The following FAF1 variants were observed in gnomAD, a reference collection of about 807,000 sequenced individuals.
FAF1 encodes Fas associated factor 1.
FAF1 carries 25 observed loss-of-function variants against 92.5 expected under a neutral mutation model. The ratio of observed to expected loss-of-function variants is 0.27; its 90% confidence interval spans 0.20 to 0.38. The LOEUF (loss-of-function observed/expected upper bound fraction) is 0.38. Among genes scored for constraint, FAF1 ranks in the 10% least tolerant of loss-of-function variants. The pLI, the probability that FAF1 is intolerant of heterozygous loss-of-function variation, is 1.00. For missense variants in FAF1, 636 were observed against 793.3 expected (o/e 0.80, Z 2.38); for synonymous variants, 234 against 273.2 (o/e 0.86, Z 1.42).
intron 1 of FAF1, among the ~76,000 whole-genome samples, chr1:50,860,741 T>C (rs1329279197): frequency 1.3e-5 from 2 of 151,632 alleles, no homozygotes; most frequent in African/African-American, 2.4e-5. Flanking sequence ...CCTATGTATA[T>C]ATTAAAAAAA....
chr1:50,770,494 A>G (rs931703129), intron 4 of FAF1, among the ~76,000 whole-genome samples: 2 of 152,160 alleles, frequency 1.3e-5, no homozygotes, highest in African/African-American at 4.8e-5. Context: ...CAAGAACACA[A>G]TCTCATTTAC....
chr1:50,472,823 T>C (rs546404175), intron 18 of FAF1, among the ~76,000 whole-genome samples: 1 of 152,314 alleles, frequency 6.6e-6, no homozygotes, highest in Admixed American at 6.5e-5. Flanking sequence ...TAGATCCTAA[T>C]CCTTGCAGAC....
At chr1:50,920,489 G>A (rs1385419368) in intron 1 of FAF1, among the ~76,000 whole-genome samples, 2 of 151,980 alleles carry the variant, frequency 1.3e-5, no homozygotes, top group Admixed American at 1.3e-4. Context: ...TCTAAATCCA[G>A]GCCAATTTTC....
chr1:50,588,202 A>G (rs541962278), intron 9 of FAF1, among the ~76,000 whole-genome samples: 12 of 152,252 alleles, frequency 7.9e-5, no homozygotes, highest in African/African-American at 2.9e-4. Context: ...CAGGAGAATC[A>G]CTTGAACGTG....
At chr1:50,579,256 G>A (rs114427641) in intron 12 of FAF1, among the ~76,000 whole-genome samples, 1,694 of 152,188 alleles carry the variant, frequency 0.011, 23 homozygotes, top group Non-Finnish European at 0.015. Flanking sequence ...ATTTTTAAGT[G>A]TAAGTTATCT....
At chr1:50,911,547 A>G (rs1221256312) in intron 1 of FAF1, among the ~76,000 whole-genome samples, 1 of 151,534 alleles carries the variant, frequency 6.6e-6, no homozygotes, top group African/African-American at 2.4e-5. Context: ...AAACACAAAA[A>G]TTAACCAAGC....
chr1:50,475,447 T>C lies in FAF1; in HGVS notation c.1869+17A>G, dbSNP rs1330425221. ...TCCCACCTGGATATACTTCCTGAGA[T>C]AGGTATGGGAACTTACGTCTCTCCT... On this transcript the variant is annotated intron_variant, in intron 18 of 18. Coordinates refer to ENST00000396153, the MANE Select transcript of FAF1 (RefSeq NM_007051.3). 1.9e-6 allele frequency: 3 copies of C among 1,579,842 alleles called. No individual in the cohort carries two copies. The African/African-American group carries it at 4.0e-5, about 21-fold the overall frequency.
chr1:50,959,745 G>A lies in FAF1; in HGVS notation c.45+22C>T, dbSNP rs374156944. ...AACCCACGAGGTTGGAAGTGGGAGGGGAAGAGGGCCAGATACTTCACCTGA... is the reference window on the plus strand; with the variant it reads ...AACCCACGAGGTTGGAAGTGGGAGGAGAAGAGGGCCAGATACTTCACCTGA... On this transcript the variant is annotated intron_variant, in intron 1 of 18. Transcript: ENST00000396153. The A allele has an allele frequency of 2.1e-5, 33 of 1,596,742 alleles. 1 individual carries two copies. In the African/African-American group the frequency reaches 3.5e-4, roughly 17 times the overall value.
intron 8 of FAF1, among the ~76,000 whole-genome samples, chr1:50,625,259 C>A (rs1653446490): frequency 6.6e-6 from 1 of 152,146 alleles, no homozygotes; most frequent in African/African-American, 2.4e-5. Flanking sequence ...TAAATTTGTT[C>A]TGATACAACT....
chr1:50,722,011 T>G (rs1207614242), intron 6 of FAF1, among the ~76,000 whole-genome samples: 1 of 152,140 alleles, frequency 6.6e-6, no homozygotes, highest in Non-Finnish European at 1.5e-5. Flanking sequence ...CACAGAAAAA[T>G]CATTTCAAAA....
At chr1:50,808,881 C>T (rs538411091) in intron 2 of FAF1, among the ~76,000 whole-genome samples, 1 of 152,200 alleles carries the variant, frequency 6.6e-6, no homozygotes, top group East Asian at 1.9e-4. Flanking sequence ...AATCCAGCAG[C>T]ACATCCAGTA....
At position 50,441,540 on chromosome 1, in the gene FAF1, C is replaced by T; in HGVS notation, c.1870-17G>A. ...TTGAGTTACCTAAAAAGATGAAGAA[C>T]ACATATTCAAAAGACTGAAACAAGC... On this transcript the variant is annotated splice_polypyrimidine_tract_variant and intron_variant, in intron 18 of 18. Coordinates refer to ENST00000396153, the MANE Select transcript of FAF1 (RefSeq NM_007051.3). The T allele has an allele frequency of 6.8e-7, 1 of 1,460,940 alleles. No homozygotes were observed. Among genetic ancestry groups the T allele is most frequent in the Non-Finnish European group, 9.4e-7 (1 of 1,069,198 alleles). 90.5% of individuals were successfully genotyped at this position (1,460,940 alleles called of 1,614,324 possible). A position where few individuals can be genotyped will look rare whatever the true frequency, so the allele number is the denominator to read the frequency against.
chr1:50,794,774 C>A (rs1342706198), intron 3 of FAF1, among the ~76,000 whole-genome samples: 3 of 151,444 alleles, frequency 2.0e-5, no homozygotes, highest in African/African-American at 7.3e-5. Context: ...CAGGTGCCCA[C>A]CACCTCACCC....
At chr1:50,879,995 A>G (rs1644599036) in intron 1 of FAF1, among the ~76,000 whole-genome samples, 1 of 152,246 alleles carries the variant, frequency 6.6e-6, no homozygotes. Context: ...AAGTCTTGAC[A>G]AAGTAGAGAA....
chr1:50,710,777 T>C (rs1272457341), intron 6 of FAF1, among the ~76,000 whole-genome samples: 2 of 151,894 alleles, frequency 1.3e-5, no homozygotes, highest in Admixed American at 1.3e-4. Context: ...TAATTTTTTG[T>C]ATTTTTAGTA....
rs566991278 is a variant in FAF1, at chr1:50,643,081, C to T, written c.744+12361G>A. On this transcript the variant is annotated intron_variant, in intron 8 of 18. Coordinates refer to ENST00000396153, the MANE Select transcript of FAF1 (RefSeq NM_007051.3). ...CTGACCTCAGGTGATCCGCCCGCCT[C>T]GGCCTCCCAAAGTGCTGGGATTACA... Among the ~76,000 whole-genome samples, 13 of 152,322 alleles carry T rather than the reference C, an allele frequency of 8.5e-5. No individual in the cohort carries two copies. In the East Asian group the frequency reaches 1.4e-3, roughly 16 times the overall value.
chr1:50,661,326 TTA>T (rs1655366252), intron 7 of FAF1, among the ~76,000 whole-genome samples: 1 of 152,194 alleles, frequency 6.6e-6, no homozygotes, highest in South Asian at 2.1e-4. Flanking sequence ...TTTTCAAGTT[TTA>T]TTAATTTATC....
At chr1:50,817,193 T>C (rs901012145) in intron 2 of FAF1, among the ~76,000 whole-genome samples, 2 of 152,176 alleles carry the variant, frequency 1.3e-5, no homozygotes, top group African/African-American at 2.4e-5. Flanking sequence ...CCCATGTTTG[T>C]ATGTTCATAG....
intron 1 of FAF1, among the ~76,000 whole-genome samples, chr1:50,929,327 T>C (rs1645031352): frequency 6.6e-6 from 1 of 152,196 alleles, no homozygotes; most frequent in African/African-American, 2.4e-5. Context: ...ATTTAAGTTC[T>C]ACATTGAGTA....
Sources: allele counts gnomAD v4.1 joint callset (sites outside exome capture counted in the v4.1 genomes callset), GRCh38; gene constraint gnomAD v4.1.1; transcripts MANE v1.5; gene names NCBI Gene and HGNC (gene_info 2026-07-23, HGNC 2026-07-21).